PDCD11: variants seen among roughly 807,000 people sequenced by gnomAD.
PDCD11 encodes the protein programmed cell death 11.
Under a neutral mutation model 198.9 loss-of-function variants are expected in PDCD11, and 97 were observed. The observed-to-expected ratio is 0.49, with a 90% confidence interval of 0.41 to 0.58. The LOEUF (loss-of-function observed/expected upper bound fraction) is 0.58, where lower values mean the gene tolerates loss of function less well. PDCD11 is among the 20% of genes least tolerant of loss of function. PDCD11 has a pLI of 0.00. For missense variants in PDCD11, 2,102 were observed against 2,312.7 expected (o/e 0.91, Z 1.87); for synonymous variants, 893 against 918.0 (o/e 0.97, Z 0.49).
intron 1 of PDCD11, 59 bp from the exon 2 acceptor site, chr10:103,398,357 C>A: frequency 9.6e-7 from 1 of 1,039,374 alleles, no homozygotes; most frequent in Non-Finnish European, 1.5e-6. Context: ...GTTGATAACA[C>A]CTTTCTGAAA....
chr10:103,400,669 A>G, intron 3 of PDCD11, 141 bp downstream of exon 3: 1 of 792,238 alleles, frequency 1.3e-6, no homozygotes. Context: ...GTGTGTGTAG[A>G]GATGCTTGGA....
At chr10:103,406,586 G>T in intron 6 of PDCD11, 23 bp from the exon 7 acceptor site, 1 of 1,600,378 alleles carries the variant, frequency 6.2e-7, no homozygotes, top group Non-Finnish European at 8.5e-7. Flanking sequence ...TTTTCCTTTT[G>T]GGGCCTGGGT....
At chr10:103,426,457 A>G (rs1006546508) in intron 20 of PDCD11, among the ~76,000 whole-genome samples, 5 of 152,176 alleles carry the variant, frequency 3.3e-5, no homozygotes, top group Non-Finnish European at 1.5e-5. Flanking sequence ...ATTGGAGTAT[A>G]TAGACTGTAA....
chr10:103,443,564 G>A (rs1179892972), intron 33 of PDCD11, among the ~76,000 whole-genome samples: 1 of 152,212 alleles, frequency 6.6e-6, no homozygotes, highest in African/African-American at 2.4e-5. Flanking sequence ...GTGGACCCCT[G>A]GTGTGTCTGC....
At chr10:103,422,717 A>G (rs1450343193) in intron 17 of PDCD11, among the ~76,000 whole-genome samples, 1 of 152,136 alleles carries the variant, frequency 6.6e-6, no homozygotes, top group Non-Finnish European at 1.5e-5. Flanking sequence ...GACAGTGAAA[A>G]TTCAGAAACC....
intron 4 of PDCD11, among the ~76,000 whole-genome samples, chr10:103,404,325 G>A (rs1275714928): frequency 6.6e-6 from 1 of 150,782 alleles, no homozygotes; most frequent in Non-Finnish European, 1.5e-5. Context: ...TTGAGATGGA[G>A]TCTCACTCTT....
Position 103,434,365 on chromosome 10 carries a change from C to T in PDCD11, c.3667+15C>T. 1.3e-6 allele frequency: 2 copies of T among 1,528,796 alleles called. No individual in the cohort carries two copies. The highest frequency in any genetic ancestry group is 1.8e-6 in the Non-Finnish European group (2 of 1,103,056). 94.7% of individuals were successfully genotyped at this position (1,528,796 alleles called of 1,614,324 possible). On this transcript the variant is annotated intron_variant, in intron 24 of 35. Coordinates refer to ENST00000369797, the MANE Select transcript of PDCD11 (RefSeq NM_014976.2). ...GTCCCTCACAGGTGTGGGGATGAAA[C>T]AGTGCCTGGTCGGGGAAGGGGAGCG...
intron 19 of PDCD11, among the ~76,000 whole-genome samples, chr10:103,424,570 T>C (rs915584152): frequency 5.9e-5 from 9 of 152,154 alleles, no homozygotes; most frequent in Non-Finnish European, 1.3e-4. Flanking sequence ...TATTCATTGC[T>C]TGGGTTGAAG....
Position 103,421,507 on chromosome 10 carries a change from C to T in PDCD11, c.2437C>T (p.Leu813Phe). ...GLGDLAITSLLLLNQCLEELQ... is the reference protein window; with the variant it reads ...GLGDLAITSLFLLNQCLEELQ... Reference sequence around the variant, plus strand: ...GGGGGACTTGGCTATCACCAGCCTCCTCCTCCTGAATCAGTGCCTGGAGGA... The same window carrying T: ...GGGGGACTTGGCTATCACCAGCCTCTTCCTCCTGAATCAGTGCCTGGAGGA... The change falls in exon 17 of 36, where the codon CTC becomes TTC. Residue 813 changes from leucine to phenylalanine, a missense_variant. Leu to Phe is a conservative substitution (Grantham distance 22, BLOSUM62 0). Transcript: ENST00000369797. The T allele has an allele frequency of 1.9e-6, 3 of 1,589,344 alleles. No homozygotes were observed. In the South Asian group the frequency reaches 3.4e-5, roughly 18 times the overall value.
Position 103,402,991 on chromosome 10 carries a change from AATT to A in PDCD11, c.235-124_235-122del. The stretch of plus-strand genomic sequence containing the variant: ...CTGCCTTGGCCACCCAAAGTATTGG[AATT>A]ATAGGGCGTAAGCCACTGTGCTTGG... On this transcript the variant is annotated intron_variant, in intron 3 of 35. Coordinates refer to ENST00000369797, the MANE Select transcript of PDCD11 (RefSeq NM_014976.2). The A allele has an allele frequency of 1.4e-5, 12 of 875,076 alleles. No individual in the cohort carries two copies. The South Asian group carries it at 2.0e-4, about 15-fold the overall frequency. The allele number at this position is 875,076 out of a possible 1,614,324, so 54.2% of individuals were successfully genotyped here. A position where few individuals can be genotyped will look rare whatever the true frequency, so the allele number is the denominator to read the frequency against.
At chr10:103,439,922 C>G in intron 28 of PDCD11, 54 bp downstream of exon 28, 2 of 1,606,602 alleles carry the variant, frequency 1.2e-6, no homozygotes, top group Non-Finnish European at 1.7e-6. Context: ...ACCCCTTTCT[C>G]CAGGAGCCCT....
In PDCD11 at chr10:103,418,472, A is replaced by G. The variant is rs770468831; in HGVS notation, c.1944A>G (p.Lys648=). ...LVDVKVLEKT[K]DGLEVAVLPH... is the part of the protein sequence containing the mutation. ...ATGTGAAGGTTTTAGAGAAGACCAA[A>G]GATGGGCTGGAGGTGGCTGTCCTGC... Residue 648 remains lysine, a synonymous_variant, in exon 15 of 36, where the codon AAA becomes AAG. Transcript: ENST00000369797. 6.2e-7 allele frequency: 1 copy of G among 1,614,142 alleles called. No individual in the cohort carries two copies. Among genetic ancestry groups the G allele is most frequent in the East Asian group, 2.2e-5 (1 of 44,880 alleles).
intron 1 of PDCD11, among the ~76,000 whole-genome samples, chr10:103,397,199 T>C (rs1482216299): frequency 1.4e-5 from 2 of 147,378 alleles, no homozygotes; most frequent in Non-Finnish European, 3.0e-5. Context: ...TCTGCTGTAC[T>C]GCATTTGAAT....
intron 21 of PDCD11, among the ~76,000 whole-genome samples, chr10:103,428,164 G>A (rs1325894828): frequency 1.3e-5 from 2 of 152,156 alleles, no homozygotes; most frequent in African/African-American, 2.4e-5. Flanking sequence ...AATTAGCCGG[G>A]TGTGGTGGCG....
intron 21 of PDCD11, among the ~76,000 whole-genome samples, chr10:103,430,541 A>T (rs1237600796): frequency 6.6e-6 from 1 of 151,884 alleles, no homozygotes; most frequent in African/African-American, 2.4e-5. Context: ...AAACTTCCAT[A>T]CTGTTTTCCA....
intron 1 of PDCD11, among the ~76,000 whole-genome samples, chr10:103,397,554 G>A (rs1201110206): frequency 3.3e-5 from 5 of 152,180 alleles, no homozygotes; most frequent in Non-Finnish European, 5.9e-5. Context: ...TCACGCTTCA[G>A]CCTGCCTAGT....
chr10:103,434,673 A>G, intron 24 of PDCD11, 125 bp from the exon 25 acceptor site: 5 of 716,664 alleles, frequency 7.0e-6, no homozygotes, highest in Non-Finnish European at 1.1e-5. Flanking sequence ...ATGGTTCTGG[A>G]TCACTCAGCC....
chr10:103,418,310 G>A (rs2031231284), intron 14 of PDCD11, 130 bp from the exon 15 acceptor site: 1 of 732,576 alleles, frequency 1.4e-6, no homozygotes, highest in Non-Finnish European at 2.3e-6. Context: ...GGTGGGTGGG[G>A]TTTGGAAGAA....
At chr10:103,415,729 TGAAAG>T (rs949210279) in intron 12 of PDCD11, among the ~76,000 whole-genome samples, 5 of 152,246 alleles carry the variant, frequency 3.3e-5, no homozygotes, top group African/African-American at 9.6e-5. Flanking sequence ...AGGTGGAACT[TGAAAG>T]GATAGGTAGG....
Sources: gnomAD v4.1 joint callset for allele counts (sites outside exome capture counted in the v4.1 genomes callset) on GRCh38, gnomAD v4.1.1 for gene constraint, MANE v1.5 for transcripts, NCBI Gene and HGNC (gene_info 2026-07-23, HGNC 2026-07-21) for gene names.